The following CNTN4 variants were observed in gnomAD, a reference collection of about 807,000 sequenced individuals.
CNTN4 encodes the protein contactin-4.
A neutral mutation model predicts 122.5 loss-of-function variants in CNTN4; 77 were observed. That is an observed-to-expected ratio of 0.63 (90% CI 0.52 to 0.76). The LOEUF is 0.76. CNTN4 is among the 30% of genes least tolerant of loss of function. The pLI, the probability that CNTN4 is intolerant of heterozygous loss-of-function variation, is 0.00. For missense variants in CNTN4, 1,256 were observed against 1,259.1 expected (o/e 1.00, Z 0.04); for synonymous variants, 512 against 447.0 (o/e 1.15, Z -1.83).
intron 12 of CNTN4, among the ~76,000 whole-genome samples, chr3:2,910,113 A>G (rs1393976191): frequency 6.6e-6 from 1 of 152,230 alleles, no homozygotes; most frequent in African/African-American, 2.4e-5. Context: ...AGCACACAGA[A>G]TGTCTTGACA....
chr3:2,727,174 TG>T (rs2088289592), intron 4 of CNTN4, among the ~76,000 whole-genome samples: 2 of 152,084 alleles, frequency 1.3e-5, no homozygotes, highest in South Asian at 4.1e-4. Flanking sequence ...GGGTCAGAAA[TG>T]TTTGAGAATT....
chr3:2,923,671 A>G (rs948645697), intron 12 of CNTN4, among the ~76,000 whole-genome samples: 4 of 151,608 alleles, frequency 2.6e-5, no homozygotes, highest in African/African-American at 9.7e-5. Context: ...AGCAATCTCA[A>G]CTCTTCCTTC....
chr3:2,619,456 T>C (rs908767555), intron 4 of CNTN4, among the ~76,000 whole-genome samples: 1 of 152,232 alleles, frequency 6.6e-6, no homozygotes. Context: ...ATTATCCATC[T>C]ATGGGGAAAA....
chr3:2,417,508 T>C (rs2047458725), intron 3 of CNTN4, among the ~76,000 whole-genome samples: 1 of 152,200 alleles, frequency 6.6e-6, no homozygotes, highest in African/African-American at 2.4e-5. Flanking sequence ...GATTCCCTCA[T>C]TTTAATAACC....
intron 13 of CNTN4, among the ~76,000 whole-genome samples, chr3:2,963,207 G>A (rs2094879532): frequency 6.6e-6 from 1 of 151,986 alleles, no homozygotes; most frequent in Non-Finnish European, 1.5e-5. Context: ...CCTGTGCCTA[G>A]AATGCACTCT....
intron 4 of CNTN4, among the ~76,000 whole-genome samples, chr3:2,727,720 A>G (rs1266084181): frequency 6.6e-6 from 1 of 152,232 alleles, no homozygotes. Context: ...CAAATGCATG[A>G]TGGCGGCAGC....
intron 3 of CNTN4, among the ~76,000 whole-genome samples, chr3:2,556,737 A>AC (rs1437156160): frequency 2.0e-5 from 3 of 151,946 alleles, no homozygotes; most frequent in Non-Finnish European, 2.9e-5. Flanking sequence ...TGATTTCTGT[A>AC]TTTTTCCTGT....
chr3:2,106,869 C>G (rs1022759131), intron 2 of CNTN4, among the ~76,000 whole-genome samples: 1 of 152,214 alleles, frequency 6.6e-6, no homozygotes, highest in African/African-American at 2.4e-5. Context: ...TTTCTAATTT[C>G]AGATCATCAC....
At chr3:3,037,728 G>C (rs756169414) in intron 18 of CNTN4, 1 of 295,016 alleles carries the variant, frequency 3.4e-6, no homozygotes, top group Non-Finnish European at 6.6e-6. Context: ...CCACCATGGG[G>C]TAATCCTGTT....
At chr3:2,525,619 T>C (rs1236743245) in intron 3 of CNTN4, among the ~76,000 whole-genome samples, 2 of 152,174 alleles carry the variant, frequency 1.3e-5, no homozygotes, top group Non-Finnish European at 2.9e-5. Context: ...TTCTGCAGAA[T>C]CTTGTCACTA....
intron 3 of CNTN4, among the ~76,000 whole-genome samples, chr3:2,431,732 A>C (rs2048080304): frequency 6.6e-6 from 1 of 152,162 alleles, no homozygotes; most frequent in Admixed American, 6.6e-5. Context: ...TAAGTGTGCA[A>C]ATTTATTATT....
At chr3:2,500,401 G>A (rs781522900) in intron 3 of CNTN4, among the ~76,000 whole-genome samples, 8 of 151,898 alleles carry the variant, frequency 5.3e-5, no homozygotes, top group South Asian at 2.1e-4. Flanking sequence ...TTTAATTAAC[G>A]TTTACCCAGA....
chr3:2,134,678 A>G (rs912417579), intron 2 of CNTN4, among the ~76,000 whole-genome samples: 2 of 152,192 alleles, frequency 1.3e-5, no homozygotes, highest in East Asian at 3.9e-4. Context: ...TGCCGCTGGC[A>G]TCTAGTGATT....
intron 3 of CNTN4, among the ~76,000 whole-genome samples, chr3:2,537,116 A>G (rs866335567): frequency 6.6e-6 from 1 of 152,208 alleles, no homozygotes; most frequent in East Asian, 1.9e-4. Context: ...TTTGGGGGGA[A>G]TATTGTGTTT....
chr3:2,708,517 A>G (rs2086882206), intron 4 of CNTN4, among the ~76,000 whole-genome samples: 1 of 152,226 alleles, frequency 6.6e-6, no homozygotes, highest in Non-Finnish European at 1.5e-5. Flanking sequence ...GCTCTGGGAG[A>G]TAAGCAATCA....
intron 2 of CNTN4, among the ~76,000 whole-genome samples, chr3:2,152,131 T>A (rs1257202992): frequency 6.6e-6 from 1 of 152,074 alleles, no homozygotes; most frequent in Non-Finnish European, 1.5e-5. Flanking sequence ...AACAAAGTAT[T>A]GAAGGAGACG....
At chr3:2,145,947 G>GTT (rs11425675) in intron 2 of CNTN4, among the ~76,000 whole-genome samples, 66,005 of 148,650 alleles carry the variant, frequency 0.44, 14,634 homozygotes, top group Non-Finnish European at 0.45. Flanking sequence ...ATCATTCTTA[G>GTT]TTTTTTTTTT....
At chr3:2,708,987 G>A (rs1170673380) in intron 4 of CNTN4, among the ~76,000 whole-genome samples, 6 of 152,112 alleles carry the variant, frequency 3.9e-5, no homozygotes, top group African/African-American at 9.7e-5. Context: ...ATCCATGTAC[G>A]TATTTTAATG....
At chr3:2,235,597 G>A (rs2039651506) in intron 2 of CNTN4, among the ~76,000 whole-genome samples, 1 of 151,954 alleles carries the variant, frequency 6.6e-6, no homozygotes, top group Non-Finnish European at 1.5e-5. Flanking sequence ...GAGGAGCTTT[G>A]CTATCCTATA....
Sources: gnomAD v4.1 joint callset for allele counts (sites outside exome capture counted in the v4.1 genomes callset) on GRCh38, gnomAD v4.1.1 for gene constraint, MANE v1.5 for transcripts, NCBI Gene and HGNC (gene_info 2026-07-23, HGNC 2026-07-21) for gene names.